Variants in LAMA3 observed in about 807,000 individuals in gnomAD.
LAMA3 encodes the protein laminin subunit alpha-3.
A neutral mutation model predicts 402.0 loss-of-function variants in LAMA3; 281 were observed. The ratio of observed to expected loss-of-function variants is 0.70; its 90% CI spans 0.63 to 0.77. The LOEUF (loss-of-function observed/expected upper bound fraction) is 0.77, where lower values mean the gene tolerates loss of function less well. Ranked by LOEUF, LAMA3 falls within the 30% of genes least tolerant of loss-of-function variation. The probability of loss-of-function intolerance (pLI) is 0.00; values close to 1 mark genes in which losing one functional copy is unlikely to be tolerated. For synonymous variants in LAMA3, 1,431 were observed against 1,558.4 expected, an observed-to-expected ratio of 0.92 and a Z score of 1.93; for missense variants, 3,840 against 4,215.5, an observed-to-expected ratio of 0.91 and a Z score of 2.47.
chr18:23,709,670 C>T (rs76888985), intron 1 of LAMA3, among the ~76,000 whole-genome samples: 2,193 of 152,162 alleles, frequency 0.014, 63 homozygotes, highest in African/African-American at 0.05. Context: ...AGTGGCCTGT[C>T]CCAGTGATAC....
At chr18:23,853,240 G>C (rs907935207) in intron 32 of LAMA3, among the ~76,000 whole-genome samples, 1 of 152,102 alleles carries the variant, frequency 6.6e-6, no homozygotes, top group Non-Finnish European at 1.5e-5. Context: ...ACTGGACTTT[G>C]ATATGAGCAT....
At position 23,747,950 on chromosome 18, in the gene LAMA3, A is replaced by G. The variant is rs1442362084; in HGVS notation, c.455A>G (p.His152Arg). 6.4e-7 allele frequency: 1 copy of G among 1,563,438 alleles called. No individual in the cohort carries two copies. Among genetic ancestry groups the G allele is most frequent in the Non-Finnish European group, 8.8e-7 (1 of 1,133,802 alleles). The change falls in exon 3 of 75, where the codon CAT becomes CGT. Residue 152 changes from histidine (H) to arginine (R), a missense_variant. His to Arg is a conservative substitution (Grantham distance 29). Coordinates refer to ENST00000313654, the MANE Select transcript of LAMA3 (RefSeq NM_198129.4). ...TCTCTTTTGTTTTATCAGCTCTTCC[A>G]TGTGGCCTATATTTTAATCAAATTT... The part of the protein sequence containing the change: ...NLTLDLGQLF[H>R]VAYILIKFAN...
chr18:23,721,844 C>T (rs373042191), intron 2 of LAMA3, among the ~76,000 whole-genome samples: 9 of 152,178 alleles, frequency 5.9e-5, no homozygotes, highest in African/African-American at 2.2e-4. Context: ...CTGAAAGGAA[C>T]AGAATCCATA....
At chr18:23,880,614 C>T (rs974038597) in intron 39 of LAMA3, among the ~76,000 whole-genome samples, 2 of 152,230 alleles carry the variant, frequency 1.3e-5, no homozygotes, top group African/African-American at 4.8e-5. Flanking sequence ...CGCGATGGCT[C>T]ATGCCTATAA....
rs371582795 is a variant in LAMA3 at position 23,763,548 on chromosome 18, G to A, written c.1182+25G>A. ...GGTGAGGCACTATTTAAATCAAAGT[G>A]GATGTGTTGTCATGGGGAATGAGTA... On this transcript the variant is annotated intron_variant, in intron 8 of 74. Coordinates refer to ENST00000313654, the MANE Select transcript of LAMA3 (RefSeq NM_198129.4). 8 of 1,330,474 alleles carry A rather than the reference G, an allele frequency of 6.0e-6. No individual in the cohort carries two copies. The African/African-American group carries it at 8.7e-5, about 14-fold the overall frequency. The allele number at this position is 1,330,474 out of a possible 1,614,324, so 82.4% of individuals were successfully genotyped here.
intron 2 of LAMA3, among the ~76,000 whole-genome samples, chr18:23,716,061 C>A (rs2061093093): frequency 1.3e-5 from 2 of 152,162 alleles, no homozygotes; most frequent in Non-Finnish European, 2.9e-5. Context: ...CTCTAATAAG[C>A]CTCCTTTCAA....
Position 23,828,754 on chromosome 18 carries a change from G to A in LAMA3, c.2823+1287G>A, listed in dbSNP as rs577631064. The stretch of plus-strand genomic sequence containing the variant: ...GGACCTCAAGGCTCTTTTACAATAC[G>A]GAAATATTTTATTTCACTATCTCTG... On this transcript the variant is annotated intron_variant, in intron 23 of 74. Transcript: ENST00000313654. 1.4e-4 allele frequency among the ~76,000 whole-genome samples: 21 copies of A among 152,118 alleles called. No homozygotes were observed. The South Asian group carries it at 2.7e-3, about 20-fold the overall frequency.
rs754518669 is a variant in LAMA3, at chr18:23,815,520, C to T, written c.1994C>T (p.Thr665Ile). 6.2e-7 allele frequency: 1 copy of T among 1,614,044 alleles called. No homozygotes were observed. The highest frequency in any genetic ancestry group is 1.3e-5 in the African/African-American group (1 of 74,902). Residue 665 changes from threonine (T) to isoleucine (I), a missense_variant, in exon 17 of 75, where the codon ACC (threonine) becomes ATC (isoleucine). Thr to Ile is a moderately conservative substitution (Grantham distance 89). Around this residue, in one of 3 missense-constraint regions of LAMA3, gnomAD observed 2,109 missense variants for 2,376.0 expected, o/e 0.89. Transcript: ENST00000313654. ...CATGTGGGTGGCGATTCCTGCGACA[C>T]CTGTGAAGATGGATATTTTGCTTTG... ...KSHVGGDSCD[T>I]CEDGYFALEK...
chr18:23,908,891 A>G (rs1263363445), intron 54 of LAMA3, among the ~76,000 whole-genome samples: 1 of 152,248 alleles, frequency 6.6e-6, no homozygotes, highest in Admixed American at 6.5e-5. Flanking sequence ...TCCAAACAGC[A>G]CCCAATTCAA....
At chr18:23,717,719 AATTTTTTTTTTT>A (rs1171748544) in intron 2 of LAMA3, among the ~76,000 whole-genome samples, 6 of 116,812 alleles carry the variant, frequency 5.1e-5, no homozygotes, top group South Asian at 6.0e-4. Context: ...TGCCTGGCTA[AATTTTTTTTTTT>A]TTTTTTTTTT....
At chr18:23,808,262 A>C (rs1365092993) in intron 12 of LAMA3, among the ~76,000 whole-genome samples, 1 of 152,198 alleles carries the variant, frequency 6.6e-6, no homozygotes, top group East Asian at 1.9e-4. Context: ...AATAAACTAC[A>C]CACATCCTCC....
At chr18:23,820,374 C>CA (rs1326319402) in intron 19 of LAMA3, among the ~76,000 whole-genome samples, 1 of 152,074 alleles carries the variant, frequency 6.6e-6, no homozygotes, top group Non-Finnish European at 1.5e-5. Flanking sequence ...TTGTGGAAAA[C>CA]AAAAATGAGT....
At chr18:23,791,734 TAAAAAAAA>T (rs11348422) in intron 12 of LAMA3, among the ~76,000 whole-genome samples, 5 of 89,682 alleles carry the variant, frequency 5.6e-5, no homozygotes, top group African/African-American at 2.2e-4. Flanking sequence ...AGAATTTGTC[TAAAAAAAA>T]AAAAAAAAAA....
intron 37 of LAMA3, among the ~76,000 whole-genome samples, chr18:23,870,057 C>T (rs929546647): frequency 2.0e-5 from 3 of 151,994 alleles, no homozygotes; most frequent in African/African-American, 7.3e-5. Flanking sequence ...GTAATTGCAG[C>T]ACTCTGGGAG....
intron 68 of LAMA3, among the ~76,000 whole-genome samples, chr18:23,940,558 G>GT (rs762381031): frequency 2.6e-5 from 4 of 152,212 alleles, no homozygotes; most frequent in Non-Finnish European, 5.9e-5. Context: ...CAATTTTCCT[G>GT]TTAGTTAAAT....
intron 23 of LAMA3, among the ~76,000 whole-genome samples, chr18:23,830,866 A>AT (rs1385341906): frequency 1.3e-5 from 2 of 152,138 alleles, no homozygotes; most frequent in African/African-American, 2.4e-5. Flanking sequence ...CTGCTTTTAT[A>AT]TGCAGACCAG....
At chr18:23,730,279 T>C (rs1181911835) in intron 2 of LAMA3, among the ~76,000 whole-genome samples, 1 of 152,164 alleles carries the variant, frequency 6.6e-6, no homozygotes, top group Non-Finnish European at 1.5e-5. Flanking sequence ...TTTTTTGTTT[T>C]TGATTTTTGG....
At chr18:23,921,262 A>G (rs2081827242) in intron 61 of LAMA3, among the ~76,000 whole-genome samples, 190 bp from the exon 62 acceptor site, 1 of 152,266 alleles carries the variant, frequency 6.6e-6, no homozygotes, top group African/African-American at 2.4e-5. Context: ...GTTAACTTCA[A>G]ATACAAACAT....
At chr18:23,864,169 G>GA (rs1292611910) in intron 35 of LAMA3, among the ~76,000 whole-genome samples, 7 of 146,704 alleles carry the variant, frequency 4.8e-5, no homozygotes, top group East Asian at 2.0e-4. Flanking sequence ...TAATCATCTA[G>GA]AAAAAAAAAG....
Sources: gnomAD v4.1 joint callset for allele counts (sites outside exome capture counted in the v4.1 genomes callset) on GRCh38, gnomAD v4.1.1 for gene constraint, gnomAD v4.1.1 regional missense constraint, MANE v1.5 for transcripts, NCBI Gene and HGNC (gene_info 2026-07-23, HGNC 2026-07-21) for gene names.